RAE1: variants seen among roughly 807,000 people sequenced by gnomAD.
RAE1 encodes ribonucleic acid export 1.
Under a neutral mutation model 52.7 loss-of-function variants are expected in RAE1, and 13 were observed. That is an observed-to-expected ratio of 0.25 (90% CI 0.16 to 0.39). The LOEUF (loss-of-function observed/expected upper bound fraction) is 0.39, where lower values mean the gene tolerates loss of function less well. Ranked by LOEUF, RAE1 falls within the 10% of genes least tolerant of loss-of-function variation. The pLI is 1.00. For synonymous variants in RAE1, 164 were observed against 153.1 expected (o/e 1.07, Z -0.52); for missense variants, 262 against 459.8 (o/e 0.57, Z 3.93).
Position 57,378,380 on chromosome 20 carries a change from T to G in RAE1, c.*281T>G, listed in dbSNP as rs2067146461. 2.6e-6 allele frequency: 1 copy of G among 387,044 alleles called. No homozygotes were observed. Among genetic ancestry groups the G allele is most frequent in the South Asian group, 5.7e-5 (1 of 17,584 alleles). 24.0% of individuals were successfully genotyped at this position (387,044 alleles called of 1,614,324 possible). ...CGCCAGGGATTTTGCAGCGCTTCAG[T>G]GTACGTGTTAGAGAATATTGGAAAA... On this transcript the variant is annotated 3_prime_UTR_variant, in exon 12 of 12. Coordinates refer to ENST00000395841, the MANE Select transcript of RAE1 (RefSeq NM_003610.4).
At chr20:57,373,077 C>A in intron 8 of RAE1, 1 of 242,332 alleles carries the variant, frequency 4.1e-6, no homozygotes, top group Non-Finnish European at 8.2e-6. Flanking sequence ...GCCTGCATCC[C>A]TCCTCCAGCT....
intron 3 of RAE1, among the ~76,000 whole-genome samples, chr20:57,356,111 A>G (rs142035706): frequency 6.8e-4 from 104 of 152,338 alleles, no homozygotes; most frequent in African/African-American, 2.4e-3. Context: ...TATATAAAGT[A>G]TTCAGAAAAG....
At chr20:57,373,629 CAAAG>C (rs1252454511) in intron 9 of RAE1, 30 bp from the exon 10 acceptor site, 1 of 1,613,380 alleles carries the variant, frequency 6.2e-7, no homozygotes, top group Non-Finnish European at 8.5e-7. Flanking sequence ...CTTTTTTTAA[CAAAG>C]GAAGACTTAC....
At position 57,373,575 on chromosome 20, in the gene RAE1, C is replaced by T. The variant is rs750142451; in HGVS notation, c.743C>T (p.Pro248Leu). 10 of 1,613,732 alleles carry T rather than the reference C, an allele frequency of 6.2e-6. No individual in the cohort carries two copies. Among genetic ancestry groups the T allele is most frequent in the South Asian group, 3.3e-5 (3 of 91,074 alleles). The change falls in exon 9 of 12, where the codon CCG (proline) becomes CTG (leucine). Residue 248 changes from proline to leucine, a missense_variant. By Grantham distance (98) the Pro-to-Leu change is moderately conservative. Coordinates refer to ENST00000395841, the MANE Select transcript of RAE1 (RefSeq NM_003610.4). ...GTTGCTATTCACTATATCAACCCCCCGAACCCGTAAGTGTGACTCTGTCAG... is the reference window on the plus strand; with the variant it reads ...GTTGCTATTCACTATATCAACCCCCTGAACCCGTAAGTGTGACTCTGTCAG... ...GRVAIHYINP[P>L]NPAKDNFTFK...
chr20:57,367,265 TC>T (rs2066968799), intron 7 of RAE1, among the ~76,000 whole-genome samples, 186 bp downstream of exon 7: 1 of 152,228 alleles, frequency 6.6e-6, no homozygotes, highest in Non-Finnish European at 1.5e-5. Flanking sequence ...GTGCTGCGTT[TC>T]TTTTAGAAGT....
intron 10 of RAE1, 36 bp downstream of exon 10, chr20:57,373,774 C>G: frequency 6.3e-7 from 1 of 1,584,596 alleles, no homozygotes; most frequent in East Asian, 2.2e-5. Context: ...GGTAATACAT[C>G]TGGAAACCAG....
chr20:57,361,829 C>T (rs1381279728), intron 4 of RAE1, among the ~76,000 whole-genome samples: 2 of 152,176 alleles, frequency 1.3e-5, no homozygotes, highest in African/African-American at 2.4e-5. Flanking sequence ...TATGGCCATA[C>T]GTTAATGCAG....
At chr20:57,365,543 C>G (rs2066943187) in intron 5 of RAE1, 101 bp downstream of exon 5, 2 of 795,804 alleles carry the variant, frequency 2.5e-6, no homozygotes, top group Middle Eastern at 3.3e-4. Context: ...AGAAAACGTG[C>G]AGTTAGACTC....
intron 8 of RAE1, among the ~76,000 whole-genome samples, chr20:57,369,155 T>C (rs1041079531): frequency 3.3e-5 from 5 of 152,208 alleles, no homozygotes; most frequent in Non-Finnish European, 5.9e-5. Flanking sequence ...ACAAATGTAT[T>C]GATGTGCACA....
intron 8 of RAE1, among the ~76,000 whole-genome samples, chr20:57,370,215 C>T (rs942677322): frequency 6.6e-6 from 1 of 152,216 alleles, no homozygotes. Flanking sequence ...CCTTTGCCCC[C>T]CATTGTTCCA....
Position 57,370,232 on chromosome 20 carries a change from C to T in RAE1, c.642+1420C>T, listed in dbSNP as rs114820902. On this transcript the variant is annotated intron_variant, in intron 8 of 11. Coordinates refer to ENST00000395841, the MANE Select transcript of RAE1 (RefSeq NM_003610.4). ...TTTGCCCCCCATTGTTCCACCAGAACTGTTTTTGGCGTGACTACCAGTGGC... is the reference window on the plus strand; with the variant it reads ...TTTGCCCCCCATTGTTCCACCAGAATTGTTTTTGGCGTGACTACCAGTGGC... Among the ~76,000 whole-genome samples, 396 of 152,314 alleles carry T rather than the reference C, an allele frequency of 2.6e-3. 4 individuals carry two copies. The highest frequency in any genetic ancestry group is 9.1e-3 in the African/African-American group (379 of 41,566).
chr20:57,368,572 T>C (rs2066990457), intron 7 of RAE1, 133 bp from the exon 8 acceptor site: 1 of 575,174 alleles, frequency 1.7e-6, no homozygotes, highest in Non-Finnish European at 3.1e-6. Context: ...TTCTCTAGGT[T>C]TTAGTGAAAT....
chr20:57,375,081 G>A (rs2067093129), intron 11 of RAE1: 1 of 690,340 alleles, frequency 1.4e-6, no homozygotes, highest in Non-Finnish European at 2.7e-6. Context: ...GCAAGCCGGG[G>A]GCTGCACTTT....
chr20:57,354,589 G>T, intron 2 of RAE1, 123 bp from the exon 3 acceptor site: 1 of 613,970 alleles, frequency 1.6e-6, no homozygotes, highest in South Asian at 2.5e-5. Context: ...GTAAGGAAAG[G>T]TCTAATTCAG....
chr20:57,360,187 C>T (rs1003275434), intron 4 of RAE1, among the ~76,000 whole-genome samples: 7 of 152,104 alleles, frequency 4.6e-5, no homozygotes, highest in African/African-American at 7.2e-5. Flanking sequence ...GCTGTGTGTG[C>T]GTGCTTCATG....
chr20:57,359,970 C>T (rs889960911), intron 4 of RAE1: 16 of 152,132 alleles, frequency 1.1e-4, no homozygotes, highest in African/African-American at 3.6e-4. Context: ...ATATTTTTAG[C>T]GAGGTTTGGG....
At chr20:57,367,124 AAAAT>A (rs775010916) in intron 7 of RAE1, 45 bp downstream of exon 7, 1 of 1,443,590 alleles carries the variant, frequency 6.9e-7, no homozygotes, top group South Asian at 1.3e-5. Flanking sequence ...AAAAAAAAAC[AAAAT>A]AAGTATTCTC....
intron 4 of RAE1, chr20:57,358,792 T>A (rs535522085): frequency 7.1e-6 from 3 of 425,160 alleles, no homozygotes; most frequent in African/African-American, 4.1e-5. Flanking sequence ...CGATGTGTAA[T>A]AACTCACTTA....
Position 57,378,299 on chromosome 20 carries a change from GAGTTT to G in RAE1, c.*201_*205del, listed in dbSNP as rs2067145219. On this transcript the variant is annotated 3_prime_UTR_variant, in exon 12 of 12. Coordinates refer to ENST00000395841, the MANE Select transcript of RAE1 (RefSeq NM_003610.4). ...TCTCTCCATTCCACTGCCTGTTGCA[GAGTTT>G]TTCTGTAACTAAGGGGGTTGAGGTT... is the stretch of plus-strand genomic sequence containing the variant. 4 of 531,056 alleles carry G rather than the reference GAGTTT, an allele frequency of 7.5e-6. No individual in the cohort carries two copies. The highest frequency in any genetic ancestry group is 1.0e-5 in the Non-Finnish European group (3 of 296,898). 32.9% of individuals were successfully genotyped at this position (531,056 alleles called of 1,614,324 possible).
Sources: allele counts gnomAD v4.1 joint callset (sites outside exome capture counted in the v4.1 genomes callset), GRCh38; gene constraint gnomAD v4.1.1; transcripts MANE v1.5; gene names NCBI Gene and HGNC (gene_info 2026-07-23, HGNC 2026-07-21).